The following MACROD2 variants were observed in gnomAD, a reference collection of about 807,000 sequenced individuals.
MACROD2 encodes ADP-ribose glycohydrolase MACROD2.
In MACROD2, 36 loss-of-function variants were observed where a neutral mutation model predicts 70.4. That is an observed-to-expected ratio of 0.51 (90% CI 0.39 to 0.68). The LOEUF (loss-of-function observed/expected upper bound fraction) is 0.68. Among genes scored for constraint, MACROD2 ranks in the 30% least tolerant of loss-of-function variants. MACROD2 has a pLI of 0.00. For missense variants in MACROD2, 496 were observed against 538.4 expected, an observed-to-expected ratio of 0.92 and a Z score of 0.78; for synonymous variants, 172 against 178.8, an observed-to-expected ratio of 0.96 and a Z score of 0.30.
At chr20:14,331,804 T>C (rs1038378159) in intron 3 of MACROD2, among the ~76,000 whole-genome samples, 2 of 152,090 alleles carry the variant, frequency 1.3e-5, no homozygotes, top group African/African-American at 4.8e-5. Context: ...CTGAGCTGGA[T>C]CTACATATTT....
chr20:14,437,934 A>G lies in MACROD2; in HGVS notation c.272-55545A>G, dbSNP rs376829036. Among the ~76,000 whole-genome samples the G allele has an allele frequency of 1.5e-4, 23 of 152,304 alleles. No individual in the cohort carries two copies. The East Asian group carries it at 4.0e-3, about 27-fold the overall frequency. On this transcript the variant is annotated intron_variant, in intron 3 of 17. Coordinates refer to ENST00000684519, the MANE Select transcript of MACROD2 (RefSeq NM_001351661.2). ...TATTCATTATCTCACATAGTTACCC[A>G]TTCCCCCTACAGTGACAAGAACAGC... is the stretch of plus-strand genomic sequence containing the variant.
At chr20:15,392,724 C>T in intron 6 of MACROD2, among the ~76,000 whole-genome samples, 1 of 152,022 alleles carries the variant, frequency 6.6e-6, no homozygotes. Flanking sequence ...TGCTCTCTTC[C>T]ACTCTTCCTC....
chr20:14,445,258 G>T (rs1358436261), intron 3 of MACROD2, among the ~76,000 whole-genome samples: 1 of 151,908 alleles, frequency 6.6e-6, no homozygotes, highest in African/African-American at 2.4e-5. Flanking sequence ...TGTCCATTTT[G>T]TTCCCTGCAT....
intron 6 of MACROD2, among the ~76,000 whole-genome samples, chr20:15,359,693 C>T (rs2078329801): frequency 6.6e-6 from 1 of 152,038 alleles, no homozygotes; most frequent in Non-Finnish European, 1.5e-5. Flanking sequence ...GTAAAACTTA[C>T]ATCCCTTGTC....
chr20:14,485,745 A>T (rs979042106), intron 3 of MACROD2, among the ~76,000 whole-genome samples: 8 of 150,874 alleles, frequency 5.3e-5, no homozygotes, highest in Non-Finnish European at 1.0e-4. Flanking sequence ...AAAGTATGGA[A>T]GGGAATGGTA....
At chr20:14,423,495 C>G (rs981569607) in intron 3 of MACROD2, among the ~76,000 whole-genome samples, 1 of 151,332 alleles carries the variant, frequency 6.6e-6, no homozygotes, top group Non-Finnish European at 1.5e-5. Context: ...GTCAGGAGAT[C>G]GAGACCACCC....
At chr20:15,276,332 G>A (rs949673264) in intron 6 of MACROD2, among the ~76,000 whole-genome samples, 5 of 151,270 alleles carry the variant, frequency 3.3e-5, no homozygotes, top group African/African-American at 9.7e-5. Context: ...CCCGGGAGGC[G>A]GAGCTTGCAG....
At chr20:15,484,217 T>C (rs2047136486) in intron 7 of MACROD2, among the ~76,000 whole-genome samples, 2 of 152,176 alleles carry the variant, frequency 1.3e-5, no homozygotes, top group Admixed American at 1.3e-4. Flanking sequence ...TTTTTTCTTT[T>C]AGTAAGTCTT....
intron 5 of MACROD2, among the ~76,000 whole-genome samples, chr20:15,060,617 G>C (rs1834829704): frequency 6.6e-6 from 1 of 152,082 alleles, no homozygotes; most frequent in Non-Finnish European, 1.5e-5. Context: ...TCCCACAACT[G>C]TATAAAGTCT....
intron 3 of MACROD2, among the ~76,000 whole-genome samples, chr20:14,474,169 T>C (rs1276770801): frequency 6.6e-6 from 1 of 152,152 alleles, no homozygotes; most frequent in African/African-American, 2.4e-5. Flanking sequence ...CAGAAGCTTT[T>C]GTGTTTCATT....
At chr20:15,454,014 C>T (rs945933110) in intron 7 of MACROD2, among the ~76,000 whole-genome samples, 4 of 152,052 alleles carry the variant, frequency 2.6e-5, no homozygotes, top group South Asian at 2.1e-4. Flanking sequence ...TGCACCAGAT[C>T]GTTACTCTGC....
chr20:15,228,500 T>TTG lies in MACROD2; in HGVS notation c.419-1439_419-1438insGT, dbSNP rs558973138. Among the ~76,000 whole-genome samples the TTG allele has an allele frequency of 4.9e-3, 716 of 147,198 alleles. 2 individuals carry two copies. The highest frequency in any genetic ancestry group is 7.9e-3 in the Admixed American group (117 of 14,804). On this transcript the variant is annotated intron_variant, in intron 5 of 17. Transcript: ENST00000684519. Reference sequence around the variant, plus strand: ...TTTTCCTTCTTTCTTTTTTTTTTTTTTTTTTTGAGATGGAGTCTCACTCCG... The same window carrying TTG: ...TTTTCCTTCTTTCTTTTTTTTTTTTTTGTTTTTTGAGATGGAGTCTCACTCCG...
At chr20:14,113,888 GT>G in intron 3 of MACROD2, among the ~76,000 whole-genome samples, 1 of 152,180 alleles carries the variant, frequency 6.6e-6, no homozygotes, top group Middle Eastern at 3.4e-3. Context: ...GCCCATGGAG[GT>G]GAACTAAGGT....
At chr20:15,469,374 G>T (rs553765203) in intron 7 of MACROD2, among the ~76,000 whole-genome samples, 5 of 152,172 alleles carry the variant, frequency 3.3e-5, no homozygotes, top group Admixed American at 2.0e-4. Flanking sequence ...AACAAACAGG[G>T]TACACATGGA....
intron 5 of MACROD2, among the ~76,000 whole-genome samples, chr20:14,857,340 T>TA (rs2073265863): frequency 6.6e-6 from 1 of 152,204 alleles, no homozygotes; most frequent in African/African-American, 2.4e-5. Flanking sequence ...TGGCCCCTTA[T>TA]CATCTGACAG....
At chr20:14,397,911 A>G (rs1216992915) in intron 3 of MACROD2, among the ~76,000 whole-genome samples, 3 of 152,032 alleles carry the variant, frequency 2.0e-5, no homozygotes, top group Non-Finnish European at 4.4e-5. Flanking sequence ...GCCTCTAGTA[A>G]CCATAATTCT....
intron 3 of MACROD2, among the ~76,000 whole-genome samples, chr20:14,180,231 A>G (rs1292303253): frequency 1.3e-5 from 2 of 151,948 alleles, no homozygotes; most frequent in Admixed American, 1.3e-4. Flanking sequence ...AAAAGGATGG[A>G]GAGTTTGTTG....
At chr20:15,162,118 C>A (rs914960894) in intron 5 of MACROD2, among the ~76,000 whole-genome samples, 3 of 152,010 alleles carry the variant, frequency 2.0e-5, no homozygotes, top group Non-Finnish European at 4.4e-5. Flanking sequence ...CAGCTGAAAA[C>A]TACCTAGAAG....
intron 3 of MACROD2, among the ~76,000 whole-genome samples, chr20:14,368,645 T>C (rs549694879): frequency 6.6e-6 from 1 of 152,336 alleles, no homozygotes; most frequent in African/African-American, 2.4e-5. Flanking sequence ...CTTTTGTCCC[T>C]TGCTATAGCA....
Sources: gnomAD v4.1 joint callset for allele counts (sites outside exome capture counted in the v4.1 genomes callset) on GRCh38, gnomAD v4.1.1 for gene constraint, MANE v1.5 for transcripts, NCBI Gene and HGNC (gene_info 2026-07-23, HGNC 2026-07-21) for gene names.